SLC14A2: variants seen among roughly 807,000 people sequenced by gnomAD.
SLC14A2 encodes solute carrier family 14 member 2.
A neutral mutation model predicts 104.6 loss-of-function variants in SLC14A2; 91 were observed. The observed-to-expected ratio is 0.87, with a 90% CI of 0.73 to 1.04. SLC14A2 has a LOEUF of 1.04. Among genes scored for constraint, SLC14A2 ranks in the 50% least tolerant of loss-of-function variants. The probability of loss-of-function intolerance (pLI) is 0.00; values close to 1 mark genes in which losing one functional copy is unlikely to be tolerated. For synonymous variants in SLC14A2, 476 were observed against 466.4 expected (o/e 1.02, Z -0.27); for missense variants, 1,189 against 1,156.0 (o/e 1.03, Z -0.41).
intron 1 of SLC14A2, among the ~76,000 whole-genome samples, chr18:45,318,693 A>C (rs941612061): frequency 6.6e-5 from 10 of 151,966 alleles, no homozygotes; most frequent in Admixed American, 3.3e-4. Flanking sequence ...AGGCTGAGGC[A>C]GGAGAATCTC....
intron 19 of SLC14A2, among the ~76,000 whole-genome samples, chr18:45,681,739 C>T (rs2046312199): frequency 6.6e-6 from 1 of 152,186 alleles, no homozygotes; most frequent in Admixed American, 6.5e-5. Flanking sequence ...GGTTTGTTCC[C>T]CAGTTTTTTC....
intron 1 of SLC14A2, among the ~76,000 whole-genome samples, chr18:45,354,107 G>A (rs890121775): frequency 1.1e-4 from 17 of 152,068 alleles, no homozygotes; most frequent in African/African-American, 3.9e-4. Context: ...AAGTTATAGG[G>A]TGAATGAATA....
At chr18:45,332,497 T>C (rs2085300518) in intron 1 of SLC14A2, among the ~76,000 whole-genome samples, 1 of 152,204 alleles carries the variant, frequency 6.6e-6, no homozygotes, top group African/African-American at 2.4e-5. Flanking sequence ...TCTTGCCCAA[T>C]CTCCCACAAA....
chr18:45,232,212 G>A (rs2084181765), intron 1 of SLC14A2, among the ~76,000 whole-genome samples: 1 of 152,214 alleles, frequency 6.6e-6, no homozygotes, highest in Non-Finnish European at 1.5e-5. Flanking sequence ...AAGCATGGCT[G>A]TGAGGCATCA....
At chr18:45,545,170 G>A (rs16978402) in intron 2 of SLC14A2, among the ~76,000 whole-genome samples, 32,974 of 152,150 alleles carry the variant, frequency 0.22, 3,626 homozygotes, top group African/African-American at 0.25. Flanking sequence ...CACCATCTGC[G>A]GACATGCTTT....
In SLC14A2 at chr18:45,541,784, T is replaced by G. The variant is rs533248221; in HGVS notation, c.-35+58462T>G. Reference sequence around the variant, plus strand: ...GGCAGGTCAGAGCCTATGAGGTCACTGCATTGTCTCTTTTCGCCTATGGCT... The same window carrying G: ...GGCAGGTCAGAGCCTATGAGGTCACGGCATTGTCTCTTTTCGCCTATGGCT... On this transcript the variant is annotated intron_variant, in intron 2 of 20. Coordinates refer to the SLC14A2 transcript ENST00000586448. Among the ~76,000 whole-genome samples, 6 of 152,346 alleles carry G rather than the reference T, an allele frequency of 3.9e-5. No individual in the cohort carries two copies. The South Asian group carries it at 1.2e-3, about 32-fold the overall frequency.
At chr18:45,455,560 G>A (rs1472986156) in intron 1 of SLC14A2, among the ~76,000 whole-genome samples, 1 of 151,946 alleles carries the variant, frequency 6.6e-6, no homozygotes, top group African/African-American at 2.4e-5. Flanking sequence ...GGGTTGATGG[G>A]TGCAGCAAAC....
intron 1 of SLC14A2, among the ~76,000 whole-genome samples, chr18:45,453,389 A>C (rs1445036599): frequency 6.6e-6 from 1 of 152,156 alleles, no homozygotes; most frequent in African/African-American, 2.4e-5. Flanking sequence ...AATCTCAGTA[A>C]TCAGGACAAA....
chr18:45,534,518 T>C (rs1188710665), intron 2 of SLC14A2, among the ~76,000 whole-genome samples: 1 of 152,102 alleles, frequency 6.6e-6, no homozygotes, highest in Non-Finnish European at 1.5e-5. Flanking sequence ...ACACTTGAGA[T>C]CAAGGCCTCG....
At chr18:45,303,121 T>A (rs79767236) in intron 1 of SLC14A2, among the ~76,000 whole-genome samples, 3,420 of 152,306 alleles carry the variant, frequency 0.022, 53 homozygotes, top group Middle Eastern at 0.037. Flanking sequence ...GCAGCCCCCA[T>A]AATCACAGCA....
chr18:45,628,783 G>A (rs2045301415), intron 4 of SLC14A2, among the ~76,000 whole-genome samples: 1 of 152,180 alleles, frequency 6.6e-6, no homozygotes, highest in Non-Finnish European at 1.5e-5. Context: ...TTGGGGATGT[G>A]TGCGTGGGAG....
chr18:45,519,384 A>G (rs2043485506), intron 2 of SLC14A2, among the ~76,000 whole-genome samples: 1 of 152,202 alleles, frequency 6.6e-6, no homozygotes, highest in South Asian at 2.1e-4. Flanking sequence ...GAATGCTCCA[A>G]GGCCAGGCAT....
intron 1 of SLC14A2, among the ~76,000 whole-genome samples, chr18:45,221,614 G>A (rs1401598674): frequency 6.6e-6 from 1 of 152,182 alleles, no homozygotes; most frequent in Non-Finnish European, 1.5e-5. Flanking sequence ...ACCAGAAAAA[G>A]TGTGACCCAT....
chr18:45,402,405 C>G (rs2086106099), intron 1 of SLC14A2, among the ~76,000 whole-genome samples: 1 of 152,206 alleles, frequency 6.6e-6, no homozygotes, highest in African/African-American at 2.4e-5. Flanking sequence ...GCAGAGCCAG[C>G]CCTCATCGCT....
intron 1 of SLC14A2, among the ~76,000 whole-genome samples, chr18:45,314,207 T>C (rs1457171779): frequency 6.6e-6 from 1 of 152,202 alleles, no homozygotes; most frequent in African/African-American, 2.4e-5. Flanking sequence ...GTGTTTCTTC[T>C]TAGGGAAACA....
intron 1 of SLC14A2, among the ~76,000 whole-genome samples, chr18:45,330,360 G>A (rs1301357198): frequency 6.6e-6 from 1 of 152,198 alleles, no homozygotes; most frequent in Non-Finnish European, 1.5e-5. Flanking sequence ...GCAAAAGAGT[G>A]TGGGTAGCTG....
chr18:45,422,705 C>T (rs556110596), intron 1 of SLC14A2, among the ~76,000 whole-genome samples: 14 of 152,302 alleles, frequency 9.2e-5, no homozygotes, highest in African/African-American at 3.4e-4. Context: ...AGAACCCCTG[C>T]TCCATCAATG....
chr18:45,512,297 G>A (rs1321527883), intron 2 of SLC14A2, among the ~76,000 whole-genome samples: 9 of 152,124 alleles, frequency 5.9e-5, no homozygotes, highest in Admixed American at 5.9e-4. Context: ...GGAATTAGGA[G>A]TGAACCAGAC....
chr18:45,201,434 G>C, the SLC14A2 span, among the ~76,000 whole-genome samples: 1 of 152,000 alleles, frequency 6.6e-6, no homozygotes, highest in Non-Finnish European at 1.5e-5. Context: ...ATGGACTCAT[G>C]GATATTTATT....
Sources: allele counts gnomAD v4.1 joint callset (sites outside exome capture counted in the v4.1 genomes callset), GRCh38; gene constraint gnomAD v4.1.1; transcripts MANE v1.5; gene names NCBI Gene and HGNC (gene_info 2026-07-23, HGNC 2026-07-21).